Variants in SNTG1 observed in about 807,000 individuals in gnomAD.
SNTG1 encodes the protein syntrophin gamma 1, also known as gamma-1-syntrophin.
In SNTG1, 39 loss-of-function variants were observed where a neutral mutation model predicts 74.7. The observed-to-expected ratio is 0.52, with a 90% confidence interval of 0.40 to 0.68. The LOEUF is 0.68. SNTG1 is among the 30% of genes least tolerant of loss of function. The probability of loss-of-function intolerance (pLI) is 0.00; values close to 1 mark genes in which losing one functional copy is unlikely to be tolerated. For missense variants in SNTG1, 685 were observed against 609.5 expected (o/e 1.12, Z -1.30); for synonymous variants, 254 against 217.1 (o/e 1.17, Z -1.49).
chr8:50,046,562 C>G (rs1423175162), intron 1 of SNTG1, among the ~76,000 whole-genome samples: 1 of 152,098 alleles, frequency 6.6e-6, no homozygotes, highest in Admixed American at 6.6e-5. Context: ...TCATAACCAC[C>G]CCATTCTAGC....
chr8:50,600,213 G>C (rs1055215440), intron 13 of SNTG1, among the ~76,000 whole-genome samples: 2 of 151,946 alleles, frequency 1.3e-5, no homozygotes, highest in African/African-American at 4.8e-5. Flanking sequence ...GTATTTTGTT[G>C]AGGATTTTTG....
intron 13 of SNTG1, among the ~76,000 whole-genome samples, chr8:50,627,830 C>T (rs977972985): frequency 4.6e-5 from 7 of 152,176 alleles, no homozygotes; most frequent in African/African-American, 1.4e-4. Context: ...TGGGGTGCTA[C>T]CCTCCAGGAA....
intron 1 of SNTG1, among the ~76,000 whole-genome samples, chr8:50,033,538 T>G (rs1407561405): frequency 6.6e-6 from 1 of 152,174 alleles, no homozygotes; most frequent in Non-Finnish European, 1.5e-5. Flanking sequence ...GGAAATTTAT[T>G]TTCTCTCACT....
At chr8:50,196,921 G>A (rs1586658281) in intron 2 of SNTG1, among the ~76,000 whole-genome samples, 1 of 152,116 alleles carries the variant, frequency 6.6e-6, no homozygotes, top group African/African-American at 2.4e-5. Flanking sequence ...GGTGGAAGTT[G>A]CAGTGAGCTG....
chr8:50,064,415 C>A (rs1484841538), intron 1 of SNTG1, among the ~76,000 whole-genome samples: 1 of 152,172 alleles, frequency 6.6e-6, no homozygotes, highest in East Asian at 1.9e-4. Flanking sequence ...ACCTTGATGG[C>A]TCCCACCATC....
chr8:50,337,743 A>G (rs2091189987), intron 2 of SNTG1, among the ~76,000 whole-genome samples: 1 of 152,352 alleles, frequency 6.6e-6, no homozygotes, highest in Admixed American at 6.5e-5. Context: ...GTTATGGAAT[A>G]CTTCCTCCTT....
At chr8:50,259,584 A>G (rs2087077899) in intron 2 of SNTG1, among the ~76,000 whole-genome samples, 1 of 150,390 alleles carries the variant, frequency 6.6e-6, no homozygotes. Context: ...GAAAATAAAG[A>G]AGAAAAGCAC....
At chr8:50,435,518 G>A (rs544351621) in intron 4 of SNTG1, among the ~76,000 whole-genome samples, 1 of 152,092 alleles carries the variant, frequency 6.6e-6, no homozygotes, top group African/African-American at 2.4e-5. Flanking sequence ...GGTGTAAGGG[G>A]ATAAAGTGGC....
chr8:50,173,981 G>A (rs764380149), intron 2 of SNTG1, among the ~76,000 whole-genome samples: 34 of 152,116 alleles, frequency 2.2e-4, no homozygotes, highest in Admixed American at 3.3e-4. Context: ...AATGCTCTCC[G>A]TCCCCTTGGC....
chr8:49,940,477 A>G (rs1808587094), intron 1 of SNTG1, among the ~76,000 whole-genome samples: 2 of 152,180 alleles, frequency 1.3e-5, no homozygotes, highest in South Asian at 4.1e-4. Context: ...TAACTTGATT[A>G]TATACAATAT....
At chr8:50,790,970 A>G (rs924571543) in intron 18 of SNTG1, among the ~76,000 whole-genome samples, 2 of 151,924 alleles carry the variant, frequency 1.3e-5, no homozygotes, top group African/African-American at 2.4e-5. Context: ...GTAACACTCA[A>G]CTATATTCTC....
At chr8:50,496,584 T>C (rs762467615) in intron 8 of SNTG1, among the ~76,000 whole-genome samples, 9 of 152,238 alleles carry the variant, frequency 5.9e-5, no homozygotes, top group Non-Finnish European at 1.0e-4. Context: ...TGAACTTTTC[T>C]TCTTAATAGA....
At chr8:50,486,925 T>A (rs1270320615) in intron 8 of SNTG1, among the ~76,000 whole-genome samples, 1 of 152,232 alleles carries the variant, frequency 6.6e-6, no homozygotes, top group Non-Finnish European at 1.5e-5. Context: ...GTTTTTGTCT[T>A]TGCCTGTGTT....
At chr8:50,285,520 G>C (rs2088719896) in intron 2 of SNTG1, among the ~76,000 whole-genome samples, 1 of 152,146 alleles carries the variant, frequency 6.6e-6, no homozygotes, top group Non-Finnish European at 1.5e-5. Context: ...ACAAAAGAGG[G>C]TATCTTCTTT....
chr8:50,458,106 CT>C (rs2093524488), intron 8 of SNTG1: 4 of 152,120 alleles, frequency 2.6e-5, no homozygotes, highest in Admixed American at 2.6e-4. Context: ...TGTCAATTTG[CT>C]TTTCAGTGTC....
intron 2 of SNTG1, among the ~76,000 whole-genome samples, chr8:50,265,129 T>A (rs2087398739): frequency 6.6e-6 from 1 of 152,130 alleles, no homozygotes. Flanking sequence ...TAACTCATTC[T>A]GTGAGGTTAT....
intron 12 of SNTG1, chr8:50,575,751 T>G (rs2094573513): frequency 6.6e-6 from 1 of 152,186 alleles, no homozygotes; most frequent in African/African-American, 2.4e-5. Flanking sequence ...TTTTCCATAT[T>G]CTTCAAACAT....
chr8:50,560,531 T>C (rs1441149043), intron 12 of SNTG1, among the ~76,000 whole-genome samples: 1 of 152,200 alleles, frequency 6.6e-6, no homozygotes. Flanking sequence ...TGGAATGCTA[T>C]ACAGTCATAG....
In SNTG1 at chr8:50,792,958, A is replaced by T. The variant is rs986512360; in HGVS notation, c.*129A>T. The stretch of plus-strand genomic sequence containing the variant: ...GGAGGCAAATCAAAATTTCGGCAGA[A>T]AAAGAAGGTCATGTGGAACCTCAAA... On this transcript the variant is annotated 3_prime_UTR_variant, in exon 19 of 19. Transcript: ENST00000642720. 1 of 1,038,440 alleles carries T rather than the reference A, an allele frequency of 9.6e-7. No homozygotes were observed. 64.3% of individuals were successfully genotyped at this position (1,038,440 alleles called of 1,614,324 possible). A position where few individuals can be genotyped will look rare whatever the true frequency, so the allele number is the denominator to read the frequency against.
Sources: allele counts gnomAD v4.1 joint callset (sites outside exome capture counted in the v4.1 genomes callset), GRCh38; gene constraint gnomAD v4.1.1; transcripts MANE v1.5; gene names NCBI Gene and HGNC (gene_info 2026-07-23, HGNC 2026-07-21).